Variants in MYO5B observed in about 807,000 individuals in gnomAD.
The protein encoded by MYO5B is unconventional myosin-Vb.
In MYO5B, 143 loss-of-function variants were observed where a neutral mutation model predicts 229.3. The ratio of observed to expected loss-of-function variants is 0.62; its 90% CI spans 0.54 to 0.72. The LOEUF (loss-of-function observed/expected upper bound fraction) is 0.72. MYO5B is among the 30% of genes least tolerant of loss of function. The pLI is 0.00. For synonymous variants in MYO5B, 918 were observed against 885.2 expected (o/e 1.04, Z -0.66); for missense variants, 2,321 against 2,331.0 (o/e 1.00, Z 0.09).
chr18:50,036,872 C>T lies in MYO5B; in HGVS notation c.433G>A (p.Glu145Lys), dbSNP rs1372458097. ...CACCTGGCCATCTGCTTGTAGGCTT[C>T]TTCTGCCACAGCAAAGATGTGGGGG... The part of the protein sequence containing the change: ...MDPHIFAVAE[E>K]AYKQMARDEK... Residue 145 changes from glutamate to lysine, a missense_variant, in exon 4 of 40, where the codon GAA (glutamate) becomes AAA (lysine). Physicochemically the swap from Glu to Lys is moderately conservative, Grantham distance 56. Transcript: ENST00000285039. 4 of 1,614,118 alleles carry T rather than the reference C, an allele frequency of 2.5e-6. No homozygotes were observed. Among genetic ancestry groups the T allele is most frequent in the Non-Finnish European group, 3.4e-6 (4 of 1,180,014 alleles).
At chr18:49,988,175 A>G (rs1291890999) in intron 7 of MYO5B, among the ~76,000 whole-genome samples, 3 of 152,192 alleles carry the variant, frequency 2.0e-5, no homozygotes, top group Non-Finnish European at 4.4e-5. Context: ...AAGAGGAGGA[A>G]GAAGGATATG....
intron 1 of MYO5B, among the ~76,000 whole-genome samples, chr18:50,081,924 G>A (rs117785217): frequency 0.018 from 2,725 of 152,204 alleles, 28 homozygotes; most frequent in Non-Finnish European, 0.028. Flanking sequence ...CAAATTCTTG[G>A]TTATGGAACC....
rs5824810 is a variant in MYO5B at position 49,914,775 on chromosome 18, C to CAA, written c.2091-2604_2091-2603dup. Reference sequence around the variant, plus strand: ...AGCCTGAGTAACAGAGACCTTGTCTCAAAAAAAAAAAAAAAAAAGAAAAGA... The same window carrying CAA: ...AGCCTGAGTAACAGAGACCTTGTCTCAAAAAAAAAAAAAAAAAAAAGAAAAGA... On this transcript the variant is annotated intron_variant, in intron 17 of 39. Transcript: ENST00000285039. 1.2e-3 allele frequency among the ~76,000 whole-genome samples: 126 copies of CAA among 106,130 alleles called. 2 individuals are homozygous for CAA. The highest frequency in any genetic ancestry group is 7.9e-3 in the Admixed American group (86 of 10,906). 69.6% of individuals were successfully genotyped at this position (106,130 alleles called of 152,430 possible).
At chr18:50,194,390 G>A (rs1568140923) in intron 1 of MYO5B, among the ~76,000 whole-genome samples, 1 of 152,152 alleles carries the variant, frequency 6.6e-6, no homozygotes, top group African/African-American at 2.4e-5. Flanking sequence ...CACCGCGGGG[G>A]CCCGTCCCGC....
chr18:50,042,363 T>G (rs924251068), intron 2 of MYO5B, among the ~76,000 whole-genome samples: 3 of 152,226 alleles, frequency 2.0e-5, no homozygotes, highest in African/African-American at 7.2e-5. Flanking sequence ...TTAAAACTGT[T>G]TTAAAGGCTA....
intron 10 of MYO5B, among the ~76,000 whole-genome samples, chr18:49,970,596 A>C (rs1038989144): frequency 6.6e-6 from 1 of 152,080 alleles, no homozygotes; most frequent in Non-Finnish European, 1.5e-5. Flanking sequence ...GTGTGTATTC[A>C]CTCTGGCTGT....
intron 1 of MYO5B, among the ~76,000 whole-genome samples, chr18:50,164,590 A>AT (rs11450293): frequency 0.97 from 146,996 of 151,538 alleles, 71,446 homozygotes; most frequent in East Asian, 1. Context: ...TCAAATTGTG[A>AT]TTTTTTTTTA....
intron 10 of MYO5B, 136 bp from the exon 11 acceptor site, chr18:49,963,166 A>G: frequency 1.3e-6 from 1 of 752,134 alleles, no homozygotes; most frequent in Non-Finnish European, 2.4e-6. Context: ...GTGTTCAGAG[A>G]GACCACTGTT....
chr18:49,838,099 T>C (rs910771626), intron 36 of MYO5B, among the ~76,000 whole-genome samples: 4 of 152,224 alleles, frequency 2.6e-5, no homozygotes, highest in Admixed American at 6.5e-5. Context: ...AGTTTGAGAA[T>C]TGAGCAACCT....
intron 27 of MYO5B, among the ~76,000 whole-genome samples, 198 bp from the exon 28 acceptor site, chr18:49,864,578 A>C (rs894257836): frequency 3.9e-5 from 6 of 152,238 alleles, no homozygotes; most frequent in Non-Finnish European, 5.9e-5. Flanking sequence ...TCAAGTCACA[A>C]GTGTGAAGCA....
chr18:50,180,811 C>G (rs2033063067), intron 1 of MYO5B, among the ~76,000 whole-genome samples: 1 of 152,146 alleles, frequency 6.6e-6, no homozygotes, highest in South Asian at 2.1e-4. Context: ...GCAAAATGCC[C>G]TCAAGGTTCA....
intron 7 of MYO5B, among the ~76,000 whole-genome samples, chr18:49,988,941 C>A (rs1473046196): frequency 1.3e-5 from 2 of 152,186 alleles, no homozygotes; most frequent in African/African-American, 4.8e-5. Context: ...AGCTGGAGAA[C>A]AGGACATAAC....
At chr18:50,043,868 T>C (rs1340252839) in intron 2 of MYO5B, among the ~76,000 whole-genome samples, 1 of 151,604 alleles carries the variant, frequency 6.6e-6, no homozygotes, top group East Asian at 1.9e-4. Flanking sequence ...ATAAAAATGA[T>C]ACAATGGACT....
At chr18:49,940,638 C>T (rs773697952) in intron 14 of MYO5B, among the ~76,000 whole-genome samples, 2 of 152,154 alleles carry the variant, frequency 1.3e-5, no homozygotes, top group East Asian at 1.9e-4. Context: ...CTCAGTCTGA[C>T]GACTCTGGTA....
chr18:49,912,723 T>C (rs2024972126), intron 17 of MYO5B, among the ~76,000 whole-genome samples: 1 of 152,336 alleles, frequency 6.6e-6, no homozygotes, highest in East Asian at 1.9e-4. Flanking sequence ...TCCCCAGCCA[T>C]GTGGAACTGT....
intron 1 of MYO5B, among the ~76,000 whole-genome samples, chr18:50,099,346 A>G (rs959829457): frequency 1.3e-5 from 2 of 152,224 alleles, no homozygotes; most frequent in Admixed American, 6.5e-5. Flanking sequence ...GCTTCTCAAC[A>G]CAGGCAGCTG....
chr18:49,907,921 G>A (rs946145326), intron 18 of MYO5B, among the ~76,000 whole-genome samples: 1 of 152,248 alleles, frequency 6.6e-6, no homozygotes, highest in African/African-American at 2.4e-5. Context: ...GAGGAACAGG[G>A]GCTGGATGGG....
At chr18:50,121,085 C>T (rs1233055575) in intron 1 of MYO5B, among the ~76,000 whole-genome samples, 1 of 151,970 alleles carries the variant, frequency 6.6e-6, no homozygotes, top group Non-Finnish European at 1.5e-5. Flanking sequence ...TTCCCTTCTC[C>T]TCTGTTTCTC....
At chr18:49,903,579 T>C (rs996065136) in intron 20 of MYO5B, among the ~76,000 whole-genome samples, 17 of 152,192 alleles carry the variant, frequency 1.1e-4, no homozygotes, top group African/African-American at 3.1e-4. Flanking sequence ...CCTGGGTTTC[T>C]CTACATACTA....
Sources: gnomAD v4.1 joint callset for allele counts (sites outside exome capture counted in the v4.1 genomes callset) on GRCh38, gnomAD v4.1.1 for gene constraint, MANE v1.5 for transcripts, NCBI Gene and HGNC (gene_info 2026-07-23, HGNC 2026-07-21) for gene names.